RUNX1: variants seen among roughly 807,000 people sequenced by gnomAD.
RUNX1 encodes the protein runt-related transcription factor 1.
A neutral mutation model predicts 42.8 loss-of-function variants in RUNX1; 19 were observed. The ratio of observed to expected loss-of-function variants is 0.44; its 90% confidence interval spans 0.31 to 0.65. The LOEUF (loss-of-function observed/expected upper bound fraction) is 0.65, where lower values mean the gene tolerates loss of function less well. Among genes scored for constraint, RUNX1 ranks in the 30% least tolerant of loss-of-function variants. The pLI is 0.07. For synonymous variants in RUNX1, 271 were observed against 289.4 expected, an observed-to-expected ratio of 0.94 and a Z score of 0.64; for missense variants, 528 against 672.0, an observed-to-expected ratio of 0.79 and a Z score of 2.37.
intron 2 of RUNX1, among the ~76,000 whole-genome samples, chr21:35,005,254 A>C (rs961224894): frequency 7.2e-5 from 11 of 152,008 alleles, no homozygotes; most frequent in African/African-American, 2.4e-4. Flanking sequence ...GCTGCATTTT[A>C]CTCAGTAAAG....
In RUNX1 at chr21:34,791,967, C is replaced by A; in HGVS notation, c.*168G>T. The stretch of plus-strand genomic sequence containing the variant: ...GTGGGCTTCTGGGCGCAGGAGGCTG[C>A]GCGGGCCTGACCTACAGCGAGATCC... On this transcript the variant is annotated 3_prime_UTR_variant, in exon 9 of 9. Transcript: ENST00000675419. The A allele has an allele frequency of 2.3e-6, 1 of 432,760 alleles. No homozygotes were observed. Among genetic ancestry groups the A allele is most frequent in the Non-Finnish European group, 4.2e-6 (1 of 238,746 alleles). The allele number at this position is 432,760 out of a possible 1,614,324, so 26.8% of individuals were successfully genotyped here. A position where few individuals can be genotyped will look rare whatever the true frequency, so the allele number is the denominator to read the frequency against.
At chr21:34,949,181 C>T (rs558633232) in intron 2 of RUNX1, among the ~76,000 whole-genome samples, 1 of 152,272 alleles carries the variant, frequency 6.6e-6, no homozygotes, top group East Asian at 1.9e-4. Flanking sequence ...GTTTTAGTTA[C>T]ATTTGACCTA....
intron 2 of RUNX1, among the ~76,000 whole-genome samples, chr21:35,016,886 T>C (rs2059162788): frequency 6.6e-6 from 1 of 151,170 alleles, no homozygotes; most frequent in Non-Finnish European, 1.5e-5. Flanking sequence ...GCACATTGTG[T>C]GTGTGTGTGT....
At chr21:34,978,227 C>G (rs558139480) in intron 2 of RUNX1, among the ~76,000 whole-genome samples, 1 of 152,164 alleles carries the variant, frequency 6.6e-6, no homozygotes, top group Non-Finnish European at 1.5e-5. Context: ...CATGAGCCAC[C>G]GCGCCCCGCC....
rs1055329189 is a variant in RUNX1, at chr21:34,789,614, A to G, written c.*2521T>C. 38 of 233,526 alleles carry G rather than the reference A, an allele frequency of 1.6e-4. No homozygotes were observed. Among genetic ancestry groups the G allele is most frequent in the Admixed American group, 5.6e-5 (1 of 17,782 alleles). The allele number at this position is 233,526 out of a possible 1,614,324, so 14.5% of individuals were successfully genotyped here. ...CACACACACACACACGCACACACAC[A>G]CACATACAAAAATGTGTTGCGTGAG... is the stretch of plus-strand genomic sequence containing the variant. On this transcript the variant is annotated 3_prime_UTR_variant, in exon 9 of 9. Coordinates refer to ENST00000675419, the MANE Select transcript of RUNX1 (RefSeq NM_001754.5).
chr21:34,805,902 GGTA>G (rs745414145), intron 7 of RUNX1, among the ~76,000 whole-genome samples: 2 of 152,106 alleles, frequency 1.3e-5, no homozygotes, highest in Non-Finnish European at 2.9e-5. Flanking sequence ...AGGAAGAAGT[GGTA>G]GTTATTTGAT....
rs75021901 is a variant in RUNX1 at position 34,869,027 on chromosome 21, G to T, written c.509-9449C>A. ...TTTTACTTGTGAATACTTATGGAATGCCTGCTGTTATCTCATGCACTCTCA... is the reference window on the plus strand; with the variant it reads ...TTTTACTTGTGAATACTTATGGAATTCCTGCTGTTATCTCATGCACTCTCA... On this transcript the variant is annotated intron_variant, in intron 5 of 8. Transcript: ENST00000675419. Among the ~76,000 whole-genome samples, 4 of 152,236 alleles carry T rather than the reference G, an allele frequency of 2.6e-5. No homozygotes were observed. In the East Asian group the frequency reaches 5.8e-4, roughly 22 times the overall value.
At position 34,796,417 on chromosome 21, in the gene RUNX1, C is replaced by T. The variant is rs8132718; in HGVS notation, c.967+2884G>A. Among the ~76,000 whole-genome samples the T allele has an allele frequency of 2.3e-3, 344 of 152,288 alleles. 3 individuals are homozygous for T. Among genetic ancestry groups the T allele is most frequent in the Admixed American group, 0.017 (260 of 15,306 alleles). ...TCCCTTATTCAAACCCATCAGTCTG[C>T]GCAGTTCACCCATCCAGCTGTAGCT... On this transcript the variant is annotated intron_variant, in intron 8 of 8. Coordinates refer to ENST00000675419, the MANE Select transcript of RUNX1 (RefSeq NM_001754.5).
intron 2 of RUNX1, among the ~76,000 whole-genome samples, chr21:34,995,893 T>C (rs2058991294): frequency 6.6e-6 from 1 of 152,246 alleles, no homozygotes; most frequent in Non-Finnish European, 1.5e-5. Context: ...TGTACATGTG[T>C]AGGTGTATGT....
rs2058232970 is a variant in RUNX1, at chr21:34,907,563, T to C, written c.59-14600A>G. Among the ~76,000 whole-genome samples the C allele has an allele frequency of 6.6e-6, 1 of 152,236 alleles. No individual in the cohort carries two copies. The highest frequency in any genetic ancestry group is 6.5e-5 in the Admixed American group (1 of 15,284). ...CTCTAGCCTAAAATGTCTTATTTTC[T>C]TAGTACTCAATTTGTTACTTGACTT... is the stretch of plus-strand genomic sequence containing the variant. On this transcript the variant is annotated intron_variant, in intron 2 of 8. Transcript: ENST00000675419. The surrounding 1 kb of genome is among the most constrained non-coding windows in gnomAD (Gnocchi z 5.3).
At chr21:34,887,937 A>G in intron 3 of RUNX1, 7 of 1,065,756 alleles carry the variant, frequency 6.6e-6, no homozygotes, top group Non-Finnish European at 8.0e-6. Flanking sequence ...TCTTCAGCTA[A>G]TCTTAAAACA....
At chr21:34,980,599 T>C (rs1308944067) in intron 2 of RUNX1, among the ~76,000 whole-genome samples, 1 of 152,162 alleles carries the variant, frequency 6.6e-6, no homozygotes, top group Non-Finnish European at 1.5e-5. Flanking sequence ...CTGAGTGTTC[T>C]CTTTTAAAAT....
At chr21:35,007,390 A>G (rs2146897669) in intron 2 of RUNX1, among the ~76,000 whole-genome samples, 2 of 152,086 alleles carry the variant, frequency 1.3e-5, no homozygotes, top group South Asian at 4.2e-4. Flanking sequence ...GCTCTCCCCC[A>G]GCCCCACCCC....
intron 7 of RUNX1, among the ~76,000 whole-genome samples, chr21:34,810,117 T>C (rs1033194060): frequency 6.6e-6 from 1 of 152,218 alleles, no homozygotes; most frequent in African/African-American, 2.4e-5. Context: ...CTCAAAAGCC[T>C]TCCTCTCTAC....
At chr21:34,864,024 C>T (rs1456231354) in intron 5 of RUNX1, among the ~76,000 whole-genome samples, 1 of 152,204 alleles carries the variant, frequency 6.6e-6, no homozygotes, top group Non-Finnish European at 1.5e-5. Context: ...CGAAAACTGC[C>T]TTACACGTCC....
At chr21:34,811,657 G>C (rs974447542) in intron 7 of RUNX1, among the ~76,000 whole-genome samples, 1 of 152,158 alleles carries the variant, frequency 6.6e-6, no homozygotes, top group Admixed American at 6.5e-5. Context: ...TGCCACCCCA[G>C]TTGTTTTTAT....
chr21:34,956,420 A>G (rs149056385), intron 2 of RUNX1, among the ~76,000 whole-genome samples: 2 of 152,252 alleles, frequency 1.3e-5, no homozygotes, highest in African/African-American at 4.8e-5. Context: ...GAACACAGTC[A>G]TTTTTTTGTT....
At chr21:34,941,339 T>C (rs1276533418) in intron 2 of RUNX1, among the ~76,000 whole-genome samples, 4 of 152,256 alleles carry the variant, frequency 2.6e-5, no homozygotes, top group Non-Finnish European at 1.5e-5. Flanking sequence ...TCTCTCTTCC[T>C]GCAGCAACTC....
chr21:34,802,633 T>G (rs1351449858), intron 7 of RUNX1, among the ~76,000 whole-genome samples: 1 of 152,234 alleles, frequency 6.6e-6, no homozygotes, highest in Admixed American at 6.5e-5. Flanking sequence ...GCCCAAGGGC[T>G]GTATCTGGGC....
Sources: gnomAD v4.1 joint callset for allele counts (sites outside exome capture counted in the v4.1 genomes callset) on GRCh38, gnomAD v4.1.1 for gene constraint, Gnocchi (gnomAD v3.1) non-coding constraint, MANE v1.5 for transcripts, NCBI Gene and HGNC (gene_info 2026-07-23, HGNC 2026-07-21) for gene names.